ZNF782: variants seen among roughly 807,000 people sequenced by gnomAD.
The protein encoded by ZNF782 is zinc finger protein 782.
A neutral mutation model predicts 13.0 loss-of-function variants in ZNF782; 12 were observed. The observed-to-expected ratio is 0.92, with a 90% CI of 0.59 to 1.50. The LOEUF (loss-of-function observed/expected upper bound fraction) is 1.50. Ranked by LOEUF, ZNF782 falls within the 40% of genes most tolerant of loss-of-function variation. The pLI is 0.00. For missense variants in ZNF782, 770 were observed against 822.9 expected (o/e 0.94, Z 0.79); for synonymous variants, 284 against 283.0 (o/e 1.00, Z -0.04).
the ZNF782 span, among the ~76,000 whole-genome samples, chr9:96,919,642 C>A: frequency 1.4e-5 from 2 of 146,182 alleles, no homozygotes; most frequent in East Asian, 2.4e-4. Flanking sequence ...TGGCTCACTG[C>A]AACCTCTGCC....
At chr9:96,912,064 G>A in the ZNF782 span, among the ~76,000 whole-genome samples, 1 of 150,658 alleles carries the variant, frequency 6.6e-6, no homozygotes, top group Non-Finnish European at 1.5e-5. Flanking sequence ...AGCCGGGCGT[G>A]GTGGCTCATG....
rs774654633 is a variant in ZNF782, at chr9:96,819,696, T to G, written c.327A>C (p.Lys109Asn). ...KHLLQVLFTNKLLTTEQEISG... is the reference protein window; with the variant it reads ...KHLLQVLFTNNLLTTEQEISG... ...AAATTTCTTGCTCTGTAGTCAATAATTTATTGGTGAATAAAACTTGCAACA... is the reference window on the plus strand; with the variant it reads ...AAATTTCTTGCTCTGTAGTCAATAAGTTATTGGTGAATAAAACTTGCAACA... Residue 109 changes from lysine (K) to asparagine (N), a missense_variant, in exon 6 of 6, where the codon AAA becomes AAC. Lys to Asn is a moderately conservative substitution (Grantham distance 94, BLOSUM62 0). Transcript: ENST00000481138. 3 of 1,611,588 alleles carry G rather than the reference T, an allele frequency of 1.9e-6. No individual in the cohort carries two copies. Among genetic ancestry groups the G allele is most frequent in the Non-Finnish European group, 2.5e-6 (3 of 1,179,508 alleles).
chr9:96,913,304 G>A, the ZNF782 span, among the ~76,000 whole-genome samples: 1 of 151,926 alleles, frequency 6.6e-6, no homozygotes, highest in South Asian at 2.1e-4. Flanking sequence ...GACAGAGTGA[G>A]ACTCCATTTC....
chr9:96,873,497 C>A (rs912761182), intron 1 of ZNF782, among the ~76,000 whole-genome samples: 13 of 152,154 alleles, frequency 8.5e-5, no homozygotes, highest in Admixed American at 3.9e-4. Flanking sequence ...TCCAGCAGTT[C>A]AACACCAGCC....
At chr9:96,886,013 A>G in the ZNF782 span, among the ~76,000 whole-genome samples, 11 of 151,824 alleles carry the variant, frequency 7.2e-5, no homozygotes, top group Admixed American at 5.9e-4. Context: ...ATGCCCAACT[A>G]AGTTTTGTAT....
At chr9:96,829,860 C>T (rs1002028969) in intron 4 of ZNF782, among the ~76,000 whole-genome samples, 3 of 152,130 alleles carry the variant, frequency 2.0e-5, no homozygotes, top group Non-Finnish European at 2.9e-5. Context: ...AGTAGAGGTA[C>T]TTTCTCCTAT....
At chr9:96,874,306 T>C (rs898280985) in intron 1 of ZNF782, among the ~76,000 whole-genome samples, 7 of 152,194 alleles carry the variant, frequency 4.6e-5, no homozygotes, top group African/African-American at 1.4e-4. Flanking sequence ...CATAAACACC[T>C]TTCGTGAACC....
rs1554682859 is a variant in ZNF782, at chr9:96,817,087, C to CA, written c.*835_*836insT. ...CATGCCACAGGATCCTTCTCTGACC[C>CA]GGGTTCCTACCATCTTGTACTTTCC... On this transcript the variant is annotated 3_prime_UTR_variant, in exon 6 of 6. Transcript: ENST00000481138. The CA allele has an allele frequency of 2.0e-5, 3 of 152,032 alleles. No individual in the cohort carries two copies. Among genetic ancestry groups the CA allele is most frequent in the Admixed American group, 6.5e-5 (1 of 15,276 alleles). The allele number at this position is 152,032 out of a possible 1,614,324, so 9.4% of individuals were successfully genotyped here. A position where few individuals can be genotyped will look rare whatever the true frequency, so the allele number is the denominator to read the frequency against.
chr9:96,925,628 CAAAA>C, the ZNF782 span, among the ~76,000 whole-genome samples: 3,429 of 85,550 alleles, frequency 0.04, 155 homozygotes, highest in African/African-American at 0.12. Context: ...GACTCTATCT[CAAAA>C]AAAAAAAAAA....
Position 96,818,826 on chromosome 9 carries a change from G to C in ZNF782, c.1197C>G (p.Cys399Trp). 4 of 1,611,332 alleles carry C rather than the reference G, an allele frequency of 2.5e-6. No homozygotes were observed. Among genetic ancestry groups the C allele is most frequent in the Non-Finnish European group, 3.4e-6 (4 of 1,179,122 alleles). Residue 399 changes from cysteine to tryptophan, a missense_variant, in exon 6 of 6, where the codon TGC becomes TGG. Transcript: ENST00000481138. The part of the protein sequence containing the change: ...TGEKPYECPE[C>W]GKAFSEKSRL... ...GTGACTTCTCACTGAAGGCTTTCCC[G>C]CACTCAGGACATTCATAGGGTTTCT...
the ZNF782 span, among the ~76,000 whole-genome samples, chr9:96,925,249 AGGAGAT>A: frequency 4.6e-5 from 7 of 151,920 alleles, no homozygotes; most frequent in East Asian, 3.9e-4. Flanking sequence ...AGGGCCCCGC[AGGAGAT>A]GGGGAAATGG....
At chr9:96,902,779 T>TTTATTATTATTA in the ZNF782 span, 2,482 of 138,774 alleles carry the variant, frequency 0.018, 87 homozygotes, top group African/African-American at 0.059. Context: ...GTTCTATCAG[T>TTTATTATTATTA]TTATTATTAT....
At chr9:96,914,240 G>A in the ZNF782 span, among the ~76,000 whole-genome samples, 3 of 151,628 alleles carry the variant, frequency 2.0e-5, no homozygotes, top group Non-Finnish European at 4.4e-5. Context: ...TCCTGCCTCA[G>A]TCTCCTGATT....
chr9:96,818,045 T>C lies in ZNF782; in HGVS notation c.1978A>G (p.Asn660Asp). 6.2e-7 allele frequency: 1 copy of C among 1,612,140 alleles called. No homozygotes were observed. Among genetic ancestry groups the C allele is most frequent in the South Asian group, 1.1e-5 (1 of 90,656 alleles). ...QCGEAFSQKS[N>D]LRVHQRTHTG... ...TGAGTTCTCTGATGTACTCTGAGAT[T>C]GGATTTCTGACTGAAAGCTTCCCCA... Residue 660 changes from asparagine to aspartate, a missense_variant, in exon 6 of 6, where the codon AAT becomes GAT. Asn to Asp is a conservative substitution (Grantham distance 23, BLOSUM62 1). Transcript: ENST00000481138.
At chr9:96,862,927 GA>G (rs1851719295) in intron 1 of ZNF782, among the ~76,000 whole-genome samples, 1 of 152,166 alleles carries the variant, frequency 6.6e-6, no homozygotes, top group Non-Finnish European at 1.5e-5. Context: ...TACAAGGTCA[GA>G]AAATACACAG....
chr9:96,926,700 C>T, the ZNF782 span, among the ~76,000 whole-genome samples: 2 of 152,128 alleles, frequency 1.3e-5, no homozygotes, highest in East Asian at 1.9e-4. Context: ...ACAACCCAGG[C>T]AAGGAGGGGA....
intron 4 of ZNF782, among the ~76,000 whole-genome samples, chr9:96,833,838 T>C (rs1366393757): frequency 6.6e-6 from 1 of 152,206 alleles, no homozygotes; most frequent in East Asian, 1.9e-4. Context: ...TTTATATCAA[T>C]ATGGACTCAC....
At chr9:96,826,388 G>A (rs1850621099) in intron 5 of ZNF782, among the ~76,000 whole-genome samples, 1 of 151,678 alleles carries the variant, frequency 6.6e-6, no homozygotes, top group Admixed American at 6.6e-5. Flanking sequence ...ATCACACTCT[G>A]GGGACTGTTG....
intron 4 of ZNF782, among the ~76,000 whole-genome samples, chr9:96,829,067 AAAGAT>A (rs1391599268): frequency 1.3e-5 from 2 of 151,518 alleles, no homozygotes; most frequent in Non-Finnish European, 2.9e-5. Flanking sequence ...TATACTTGGC[AAAGAT>A]AAGATGTTTC....
Sources: gnomAD v4.1 joint callset for allele counts (sites outside exome capture counted in the v4.1 genomes callset) on GRCh38, gnomAD v4.1.1 for gene constraint, MANE v1.5 for transcripts, NCBI Gene and HGNC (gene_info 2026-07-23, HGNC 2026-07-21) for gene names.